HS6ST3: variants seen among roughly 807,000 people sequenced by gnomAD.
The protein encoded by HS6ST3 is heparan-sulfate 6-O-sulfotransferase 3.
HS6ST3 carries 12 observed loss-of-function variants against 36.7 expected under a neutral mutation model. That is an observed-to-expected ratio of 0.33 (90% CI 0.21 to 0.53). The LOEUF is 0.53. Among genes scored for constraint, HS6ST3 ranks in the 20% least tolerant of loss-of-function variants. HS6ST3 has a pLI of 0.95. For synonymous variants in HS6ST3, 240 were observed against 257.5 expected (o/e 0.93, Z 0.65); for missense variants, 584 against 640.9 (o/e 0.91, Z 0.96).
chr13:96,743,939 T>C (rs983662775), intron 1 of HS6ST3, among the ~76,000 whole-genome samples: 4 of 152,046 alleles, frequency 2.6e-5, no homozygotes, highest in Non-Finnish European at 4.4e-5. Context: ...AGGGCCAAGC[T>C]CGTGCTTTTT....
At chr13:96,576,298 A>G (rs1261686264) in intron 1 of HS6ST3, among the ~76,000 whole-genome samples, 1 of 146,880 alleles carries the variant, frequency 6.8e-6, no homozygotes, top group Non-Finnish European at 1.5e-5. Flanking sequence ...GCAGCCTGCC[A>G]CGTTTCCCTT....
Position 96,327,451 on chromosome 13 carries a change from G to T in HS6ST3, c.707+235882G>T, listed in dbSNP as rs1245816311. The stretch of plus-strand genomic sequence containing the variant: ...TTAAATAGGGAATCCTTTCCCCATT[G>T]CTTGTTTTTCTCAGGTTTGTCAAAG... On this transcript the variant is annotated intron_variant, in intron 1 of 1. Transcript: ENST00000376705. Among the ~76,000 whole-genome samples, 195 of 151,878 alleles carry T rather than the reference G, an allele frequency of 1.3e-3. 4 individuals are homozygous for T. Among genetic ancestry groups the T allele is most frequent in the Non-Finnish European group, 1.7e-3 (114 of 67,924 alleles).
At chr13:96,320,889 T>C (rs2054999853) in intron 1 of HS6ST3, among the ~76,000 whole-genome samples, 1 of 152,234 alleles carries the variant, frequency 6.6e-6, no homozygotes, top group African/African-American at 2.4e-5. Flanking sequence ...TGGCCCATGA[T>C]GTCAGATCAG....
At chr13:96,447,482 C>A (rs911999889) in intron 1 of HS6ST3, among the ~76,000 whole-genome samples, 3 of 152,174 alleles carry the variant, frequency 2.0e-5, no homozygotes, top group African/African-American at 7.2e-5. Flanking sequence ...AGAAACATTT[C>A]TTGTCTAGCA....
intron 1 of HS6ST3, among the ~76,000 whole-genome samples, chr13:96,434,563 G>A (rs1055586557): frequency 3.3e-5 from 5 of 152,076 alleles, no homozygotes; most frequent in Non-Finnish European, 5.9e-5. Flanking sequence ...GCACCAGGAC[G>A]TATTTCAGAG....
chr13:96,575,946 G>C (rs1054579357), intron 1 of HS6ST3, among the ~76,000 whole-genome samples: 3 of 152,214 alleles, frequency 2.0e-5, no homozygotes, highest in Non-Finnish European at 2.9e-5. Context: ...AACTCGTCAA[G>C]TGGATTGGGT....
intron 1 of HS6ST3, among the ~76,000 whole-genome samples, chr13:96,331,766 GC>G (rs1370627124): frequency 6.6e-6 from 1 of 152,032 alleles, no homozygotes; most frequent in African/African-American, 2.4e-5. Context: ...AATGGCGGGC[GC>G]CCCTCCCCCA....
At chr13:96,586,753 C>T (rs1031193656) in intron 1 of HS6ST3, among the ~76,000 whole-genome samples, 1 of 152,116 alleles carries the variant, frequency 6.6e-6, no homozygotes, top group Non-Finnish European at 1.5e-5. Flanking sequence ...CCTTCTGTGT[C>T]CTGTCTCTTC....
intron 1 of HS6ST3, among the ~76,000 whole-genome samples, chr13:96,139,704 G>GA (rs1011003547): frequency 3.3e-5 from 5 of 151,898 alleles, no homozygotes; most frequent in African/African-American, 1.2e-4. Flanking sequence ...TACAGTGTAT[G>GA]AAACATAGCA....
intron 1 of HS6ST3, among the ~76,000 whole-genome samples, chr13:96,255,567 T>C (rs778971531): frequency 8.5e-5 from 13 of 152,190 alleles, no homozygotes; most frequent in Non-Finnish European, 1.6e-4. Context: ...TTTTAGAAGA[T>C]AGAAGATATG....
chr13:96,823,734 C>T (rs995567657), intron 1 of HS6ST3, among the ~76,000 whole-genome samples: 6 of 152,070 alleles, frequency 3.9e-5, no homozygotes, highest in East Asian at 1.9e-4. Flanking sequence ...ATTCTCCTAC[C>T]TCAGCCTCCC....
intron 1 of HS6ST3, among the ~76,000 whole-genome samples, chr13:96,158,501 A>T (rs928104135): frequency 7.9e-5 from 12 of 151,898 alleles, no homozygotes; most frequent in Admixed American, 4.6e-4. Flanking sequence ...AATACAAAAA[A>T]AATTAGCCGG....
intron 1 of HS6ST3, among the ~76,000 whole-genome samples, chr13:96,813,174 G>C (rs1484698692): frequency 6.6e-6 from 1 of 152,156 alleles, no homozygotes; most frequent in Non-Finnish European, 1.5e-5. Flanking sequence ...GGTTTACAAA[G>C]CCCACAGATA....
At chr13:96,621,742 G>T (rs2056495916) in intron 1 of HS6ST3, among the ~76,000 whole-genome samples, 1 of 152,052 alleles carries the variant, frequency 6.6e-6, no homozygotes, top group Admixed American at 6.5e-5. Context: ...TTGATGTCTT[G>T]GTTTGTTTGA....
At chr13:96,142,886 T>TA (rs2054038905) in intron 1 of HS6ST3, among the ~76,000 whole-genome samples, 2 of 152,130 alleles carry the variant, frequency 1.3e-5, no homozygotes, top group Admixed American at 1.3e-4. Flanking sequence ...GTAATAATGA[T>TA]AATTCAGTAA....
chr13:96,605,686 G>A (rs1190183987), intron 1 of HS6ST3, among the ~76,000 whole-genome samples: 1 of 151,990 alleles, frequency 6.6e-6, no homozygotes, highest in African/African-American at 2.4e-5. Context: ...AAGCAATTCA[G>A]AAAAGTTAAG....
chr13:96,271,688 G>A (rs1055868491), intron 1 of HS6ST3, among the ~76,000 whole-genome samples: 1 of 151,944 alleles, frequency 6.6e-6, no homozygotes, highest in Non-Finnish European at 1.5e-5. Flanking sequence ...AGGAATTTAC[G>A]CAGAAGCTGT....
intron 1 of HS6ST3, among the ~76,000 whole-genome samples, chr13:96,267,953 C>G (rs1361451149): frequency 6.6e-6 from 1 of 151,866 alleles, no homozygotes; most frequent in African/African-American, 2.4e-5. Flanking sequence ...AGGCAGCTTC[C>G]TTCTTGCTGT....
chr13:96,377,618 G>A (rs1378941683), intron 1 of HS6ST3, among the ~76,000 whole-genome samples: 1 of 152,136 alleles, frequency 6.6e-6, no homozygotes, highest in Non-Finnish European at 1.5e-5. Context: ...TACAGTGGAT[G>A]TAAACTCTGT....
Sources: gnomAD v4.1 joint callset for allele counts (sites outside exome capture counted in the v4.1 genomes callset) on GRCh38, gnomAD v4.1.1 for gene constraint, MANE v1.5 for transcripts, NCBI Gene and HGNC (gene_info 2026-07-23, HGNC 2026-07-21) for gene names.